Variants in MAP4 observed in about 807,000 individuals in gnomAD.
MAP4 encodes the protein microtubule associated protein 4, also known as microtubule-associated protein 4.
In MAP4, 76 loss-of-function variants were observed where a neutral mutation model predicts 170.2. The ratio of observed to expected loss-of-function variants is 0.45; its 90% confidence interval spans 0.37 to 0.54. The LOEUF is 0.54. Ranked by LOEUF, MAP4 falls within the 20% of genes least tolerant of loss-of-function variation. MAP4 has a pLI of 0.00. For missense variants in MAP4, 2,506 were observed against 2,748.0 expected, an observed-to-expected ratio of 0.91 and a Z score of 1.97; for synonymous variants, 909 against 994.5, an observed-to-expected ratio of 0.91 and a Z score of 1.62.
chr3:48,007,589 T>C (rs1036113617), intron 1 of MAP4, among the ~76,000 whole-genome samples: 1 of 152,114 alleles, frequency 6.6e-6, no homozygotes, highest in African/African-American at 2.4e-5. Flanking sequence ...GTTTGGAGTC[T>C]TTGGCAGGCT....
intron 2 of MAP4, among the ~76,000 whole-genome samples, chr3:47,986,509 T>A (rs779184706): frequency 6.6e-6 from 1 of 152,006 alleles, no homozygotes; most frequent in Non-Finnish European, 1.5e-5. Flanking sequence ...CCTGGCTAAT[T>A]TTTGTATTTT....
At chr3:48,003,302 A>G (rs2100100348) in intron 1 of MAP4, among the ~76,000 whole-genome samples, 1 of 151,766 alleles carries the variant, frequency 6.6e-6, no homozygotes, top group Admixed American at 6.6e-5. Flanking sequence ...AAAATACAAA[A>G]TATTAGCCAA....
At chr3:47,952,590 A>C (rs1267298548) in intron 3 of MAP4, among the ~76,000 whole-genome samples, 1 of 151,988 alleles carries the variant, frequency 6.6e-6, no homozygotes. Context: ...CCTTACCCCC[A>C]ACCCTGTGCT....
rs779736209 is a variant in MAP4, at chr3:47,916,145, T to A, written c.1682A>T (p.Asp561Val). The change falls in exon 7 of 21, where the codon GAT (aspartate) becomes GTT (valine). Residue 561 changes from aspartate (D) to valine (V), a missense_variant. Asp to Val is a radical substitution (Grantham distance 152, BLOSUM62 -3). Transcript: ENST00000683076. ...ALKTEAPLAK[D>V]GVLTLANNVT... The stretch of plus-strand genomic sequence containing the variant: ...ATTGTTGGCCAGGGTCAGAACCCCA[T>A]CCTTAGCCAGGGGTGCTTCTGTTTT... The A allele has an allele frequency of 5.6e-6, 9 of 1,614,108 alleles. No individual in the cohort carries two copies. In the Admixed American group the frequency reaches 1.5e-4, roughly 27 times the overall value.
rs189039695 is a variant in MAP4 at position 48,004,402 on chromosome 3, A to G, written c.-19-5523T>C. Among the ~76,000 whole-genome samples, 18 of 152,338 alleles carry G rather than the reference A, an allele frequency of 1.2e-4. 1 individual carries two copies. The highest frequency in any genetic ancestry group is 7.2e-4 in the Admixed American group (11 of 15,304). On this transcript the variant is annotated intron_variant, in intron 1 of 20. Coordinates refer to ENST00000683076, the MANE Select transcript of MAP4 (RefSeq NM_001385682.1). ...GACTCTATACATAATACCTTTGACC[A>G]TATGTGGAAAACCAACGAACATAAT... is the stretch of plus-strand genomic sequence containing the variant.
intron 1 of MAP4, among the ~76,000 whole-genome samples, chr3:48,003,090 CAAAG>C (rs2100100218): frequency 6.6e-6 from 1 of 151,756 alleles, no homozygotes; most frequent in Non-Finnish European, 1.5e-5. Context: ...CAAATTATGT[CAAAG>C]AAAGACACGC....
intron 1 of MAP4, among the ~76,000 whole-genome samples, chr3:48,086,695 C>T (rs1288426354): frequency 1.3e-5 from 2 of 152,126 alleles, no homozygotes; most frequent in Admixed American, 1.3e-4. Context: ...ATATCTAGTG[C>T]CTTTCCAATT....
chr3:47,952,277 G>T (rs1342514136), intron 3 of MAP4, among the ~76,000 whole-genome samples: 4 of 148,354 alleles, frequency 2.7e-5, no homozygotes, highest in African/African-American at 1.0e-4. Context: ...CAGCCCCCCC[G>T]CCCGGCCAGC....
chr3:47,976,224 A>G (rs2100082069), intron 3 of MAP4, among the ~76,000 whole-genome samples: 1 of 152,198 alleles, frequency 6.6e-6, no homozygotes, highest in South Asian at 2.1e-4. Context: ...GGTAGTTCAT[A>G]AAGAGCCAGG....
At chr3:48,029,858 C>T (rs978466678) in intron 1 of MAP4, among the ~76,000 whole-genome samples, 12 of 151,144 alleles carry the variant, frequency 7.9e-5, no homozygotes, top group African/African-American at 2.4e-4. Flanking sequence ...ATTAGCTGGG[C>T]GTGGTGGCAT....
chr3:47,861,008 G>A (rs1415692321), intron 17 of MAP4, among the ~76,000 whole-genome samples: 1 of 152,080 alleles, frequency 6.6e-6, no homozygotes, highest in African/African-American at 2.4e-5. Flanking sequence ...TGGATCATTT[G>A]AGGTCAGGAG....
intron 3 of MAP4, among the ~76,000 whole-genome samples, chr3:47,967,526 C>T (rs2100075809): frequency 6.6e-6 from 1 of 152,160 alleles, no homozygotes; most frequent in South Asian, 2.1e-4. Context: ...GCGGCAGGCG[C>T]CTGTAATCTC....
intron 2 of MAP4, among the ~76,000 whole-genome samples, chr3:47,984,955 T>C (rs1381657487): frequency 6.9e-6 from 1 of 144,876 alleles, no homozygotes; most frequent in Non-Finnish European, 1.5e-5. Flanking sequence ...GGAGACAAAG[T>C]GAGACCCCGT....
intron 1 of MAP4, among the ~76,000 whole-genome samples, chr3:48,075,685 G>T (rs1466688261): frequency 6.6e-6 from 1 of 151,610 alleles, no homozygotes; most frequent in Non-Finnish European, 1.5e-5. Context: ...AAATGAAAAA[G>T]ATTTTGGGCC....
At chr3:47,868,078 G>A (rs2083751111) in intron 16 of MAP4, among the ~76,000 whole-genome samples, 1 of 152,108 alleles carries the variant, frequency 6.6e-6, no homozygotes, top group African/African-American at 2.4e-5. Context: ...ATGCCCATGC[G>A]GAAAGAACAG....
chr3:47,887,216 G>C (rs902495246), intron 10 of MAP4, among the ~76,000 whole-genome samples: 4 of 152,232 alleles, frequency 2.6e-5, no homozygotes, highest in South Asian at 2.1e-4. Context: ...GGAGAGGCGC[G>C]AGCAGGAACC....
chr3:47,930,071 A>G (rs2100048584), intron 3 of MAP4, among the ~76,000 whole-genome samples: 1 of 152,228 alleles, frequency 6.6e-6, no homozygotes, highest in Admixed American at 6.5e-5. Flanking sequence ...CGAAGGTTGC[A>G]GTGAGCTGAC....
At chr3:47,974,087 T>A in intron 3 of MAP4, 3 of 985,312 alleles carry the variant, frequency 3.0e-6, no homozygotes, top group Non-Finnish European at 2.4e-6. Flanking sequence ...CATGATATTC[T>A]AATCTTACCA....
chr3:47,894,797 G>A (rs2100025922), intron 10 of MAP4, among the ~76,000 whole-genome samples: 1 of 151,886 alleles, frequency 6.6e-6, no homozygotes, highest in Admixed American at 6.6e-5. Context: ...AGGCTGAGGT[G>A]GGCAGATTGC....
Sources: gnomAD v4.1 joint callset for allele counts (sites outside exome capture counted in the v4.1 genomes callset) on GRCh38, gnomAD v4.1.1 for gene constraint, MANE v1.5 for transcripts, NCBI Gene and HGNC (gene_info 2026-07-23, HGNC 2026-07-21) for gene names.